The following SLC25A36 variants were observed in gnomAD, a reference collection of about 807,000 sequenced individuals.
SLC25A36 encodes solute carrier family 25 member 36.
Under a neutral mutation model 35.3 loss-of-function variants are expected in SLC25A36, and 24 were observed. The observed-to-expected ratio is 0.68, with a 90% CI of 0.49 to 0.96. The LOEUF is 0.96. Ranked by LOEUF, SLC25A36 falls within the 40% of genes least tolerant of loss-of-function variation. The pLI is 0.00. For synonymous variants in SLC25A36, 141 were observed against 132.2 expected (o/e 1.07, Z -0.46); for missense variants, 294 against 381.1 (o/e 0.77, Z 1.90).
chr3:140,960,990 A>G (rs539724806), intron 3 of SLC25A36, among the ~76,000 whole-genome samples: 247 of 152,354 alleles, frequency 1.6e-3, no homozygotes, highest in African/African-American at 5.6e-3. Context: ...TTTCTCTGAC[A>G]CCATTGCATC....
chr3:140,960,488 A>G (rs1482205089), intron 3 of SLC25A36, among the ~76,000 whole-genome samples: 1 of 152,216 alleles, frequency 6.6e-6, no homozygotes, highest in Non-Finnish European at 1.5e-5. Context: ...AACAAGATAG[A>G]AAATAGAACC....
intron 4 of SLC25A36, chr3:140,965,274 G>A (rs1381605005): frequency 6.6e-6 from 1 of 151,530 alleles, no homozygotes; most frequent in African/African-American, 2.4e-5. Context: ...CAGATTACTC[G>A]GGGTTTTTTT....
At chr3:140,947,196 T>C (rs891385089) in intron 1 of SLC25A36, among the ~76,000 whole-genome samples, 3 of 152,182 alleles carry the variant, frequency 2.0e-5, no homozygotes, top group African/African-American at 7.2e-5. Flanking sequence ...TTGAGGAACT[T>C]TGGTGACTTT....
At chr3:140,966,698 G>T in intron 4 of SLC25A36, 1 of 346,854 alleles carries the variant, frequency 2.9e-6, no homozygotes, top group Non-Finnish European at 5.7e-6. Context: ...TCTTCTTTTA[G>T]GTAAGTATTT....
intron 1 of SLC25A36, among the ~76,000 whole-genome samples, chr3:140,950,894 GTGTCTCTGTGTGTGTCTGTGTGTC>G (rs1301802902): frequency 1.0e-4 from 13 of 129,172 alleles, no homozygotes; most frequent in African/African-American, 1.7e-4. Context: ...GTGTGTGTGT[GTGTCTCTGTGTGTGTCTGTGTGTC>G]TGTGTGTGTG....
At chr3:140,960,694 A>G (rs1934605053) in intron 3 of SLC25A36, among the ~76,000 whole-genome samples, 1 of 152,232 alleles carries the variant, frequency 6.6e-6, no homozygotes, top group African/African-American at 2.4e-5. Flanking sequence ...TGGTGTGACA[A>G]ACAGGTATCA....
chr3:140,943,164 AT>A (rs1284237423), intron 1 of SLC25A36, among the ~76,000 whole-genome samples: 2 of 152,218 alleles, frequency 1.3e-5, no homozygotes, highest in African/African-American at 4.8e-5. Context: ...GAGTTTTCTT[AT>A]CAAAAATGCC....
intron 1 of SLC25A36, among the ~76,000 whole-genome samples, chr3:140,953,598 C>G (rs1934389301): frequency 6.6e-6 from 1 of 152,104 alleles, no homozygotes; most frequent in Admixed American, 6.5e-5. Flanking sequence ...AAAATCTACC[C>G]TTTGTTAAAT....
chr3:140,977,369 G>T lies in SLC25A36; in HGVS notation c.*916G>T, dbSNP rs1935074561. 1 of 151,902 alleles carries T rather than the reference G, an allele frequency of 6.6e-6. No homozygotes were observed. The highest frequency in any genetic ancestry group is 2.4e-5 in the African/African-American group (1 of 41,342). The allele number at this position is 151,902 out of a possible 1,614,324, so 9.4% of individuals were successfully genotyped here. On this transcript the variant is annotated 3_prime_UTR_variant, in exon 7 of 7. Transcript: ENST00000324194. ...ATTTGAACTTTTGAGTTTTTTCCAG[G>T]TCTATATATAATAGATTACATTTAT...
At chr3:140,952,647 A>C (rs974884243) in intron 1 of SLC25A36, among the ~76,000 whole-genome samples, 8 of 152,196 alleles carry the variant, frequency 5.3e-5, no homozygotes, top group Non-Finnish European at 1.0e-4. Flanking sequence ...AAAATGCTTT[A>C]TGTGGATTAT....
In SLC25A36 at chr3:140,978,058, C is replaced by T. The variant is rs892586827; in HGVS notation, c.*1605C>T. 1 of 152,040 alleles carries T rather than the reference C, an allele frequency of 6.6e-6. No homozygotes were observed. The highest frequency in any genetic ancestry group is 1.5e-5 in the Non-Finnish European group (1 of 68,012). 9.4% of individuals were successfully genotyped at this position (152,040 alleles called of 1,614,324 possible). A position where few individuals can be genotyped will look rare whatever the true frequency, so the allele number is the denominator to read the frequency against. On this transcript the variant is annotated 3_prime_UTR_variant, in exon 7 of 7. Transcript: ENST00000324194. ...GTTTTAGGTATTCTGTGTACCCTGTCGTACCCCCAACATTATAGAATATTG... is the reference window on the plus strand; with the variant it reads ...GTTTTAGGTATTCTGTGTACCCTGTTGTACCCCCAACATTATAGAATATTG...
At chr3:140,971,344 C>T (rs965557557) in intron 5 of SLC25A36, among the ~76,000 whole-genome samples, 5 of 152,098 alleles carry the variant, frequency 3.3e-5, no homozygotes, top group South Asian at 2.1e-4. Flanking sequence ...GCTAAGTAAG[C>T]CACAAGGTCA....
Position 140,977,792 on chromosome 3 carries a change from G to A in SLC25A36, c.*1339G>A, listed in dbSNP as rs1935086909. 6.6e-6 allele frequency: 1 copy of A among 152,096 alleles called. No individual in the cohort carries two copies. The highest frequency in any genetic ancestry group is 2.1e-4 in the South Asian group (1 of 4,830). 9.4% of individuals were successfully genotyped at this position (152,096 alleles called of 1,614,324 possible). A position where few individuals can be genotyped will look rare whatever the true frequency, so the allele number is the denominator to read the frequency against. On this transcript the variant is annotated 3_prime_UTR_variant, in exon 7 of 7. Coordinates refer to ENST00000324194, the MANE Select transcript of SLC25A36 (RefSeq NM_001104647.3). Reference sequence around the variant, plus strand: ...AAAACTGCCGCAATTGGACGCCGGTGTGGTACTCATTTCAGTATACCTGAA... The same window carrying A: ...AAAACTGCCGCAATTGGACGCCGGTATGGTACTCATTTCAGTATACCTGAA...
At chr3:140,963,047 TA>T in intron 3 of SLC25A36, 79 bp from the exon 4 acceptor site, 1 of 878,018 alleles carries the variant, frequency 1.1e-6, no homozygotes, top group Non-Finnish European at 1.7e-6. Context: ...TTCTCCATTC[TA>T]AAATTATGAA....
intron 4 of SLC25A36, chr3:140,965,286 A>C (rs1934731971): frequency 6.6e-6 from 1 of 151,640 alleles, no homozygotes; most frequent in Admixed American, 6.6e-5. Context: ...GGTTTTTTTT[A>C]GGATTATTTT....
chr3:140,980,874 A>G lies in SLC25A36; in HGVS notation c.*4421A>G, dbSNP rs1402995031. Among the ~76,000 whole-genome samples the G allele has an allele frequency of 2.6e-5, 4 of 152,112 alleles. No homozygotes were observed. The highest frequency in any genetic ancestry group is 9.6e-5 in the African/African-American group (4 of 41,472). ...CTGTGTAGACCAGCTGACTGCCTTA[A>G]TATGTATTGAATCAATTCAAGATTT... On this transcript the variant is annotated 3_prime_UTR_variant, in exon 7 of 7. Transcript: ENST00000324194.
chr3:140,953,676 G>T (rs944374549), intron 1 of SLC25A36, among the ~76,000 whole-genome samples: 1 of 152,156 alleles, frequency 6.6e-6, no homozygotes, highest in Non-Finnish European at 1.5e-5. Context: ...CAGGATATTG[G>T]CTGGGCCTAG....
chr3:140,954,173 G>C (rs370554786), intron 1 of SLC25A36, among the ~76,000 whole-genome samples: 1 of 152,088 alleles, frequency 6.6e-6, no homozygotes, highest in Non-Finnish European at 1.5e-5. Flanking sequence ...AAAAATAAAA[G>C]CCTTTTGTGC....
intron 6 of SLC25A36, among the ~76,000 whole-genome samples, chr3:140,974,779 A>G (rs1340361851): frequency 6.6e-6 from 1 of 152,060 alleles, no homozygotes; most frequent in Non-Finnish European, 1.5e-5. Context: ...TACCGTCTCC[A>G]TTGTATATTA....
Sources: gnomAD v4.1 joint callset for allele counts (sites outside exome capture counted in the v4.1 genomes callset) on GRCh38, gnomAD v4.1.1 for gene constraint, MANE v1.5 for transcripts, NCBI Gene and HGNC (gene_info 2026-07-23, HGNC 2026-07-21) for gene names.